SPATA7: variants seen among roughly 807,000 people sequenced by gnomAD.
SPATA7 encodes the protein spermatogenesis-associated protein 7.
SPATA7 carries 43 observed loss-of-function variants against 51.8 expected under a neutral mutation model. The ratio of observed to expected loss-of-function variants is 0.83; its 90% confidence interval spans 0.65 to 1.07. The LOEUF (loss-of-function observed/expected upper bound fraction) is 1.07, where lower values mean the gene tolerates loss of function less well. Among genes scored for constraint, SPATA7 ranks in the 50% least tolerant of loss-of-function variants. The pLI is 0.00. For missense variants in SPATA7, 683 were observed against 701.3 expected (o/e 0.97, Z 0.30); for synonymous variants, 230 against 252.8 (o/e 0.91, Z 0.86).
At chr14:88,389,575 G>A (rs930041788) in intron 1 of SPATA7, among the ~76,000 whole-genome samples, 2 of 152,156 alleles carry the variant, frequency 1.3e-5, no homozygotes, top group East Asian at 3.8e-4. Context: ...ATGCCTTGGT[G>A]TACGTCTGAT....
intron 5 of SPATA7, among the ~76,000 whole-genome samples, chr14:88,417,941 A>T (rs941770082): frequency 2.0e-5 from 3 of 152,176 alleles, no homozygotes; most frequent in Non-Finnish European, 4.4e-5. Context: ...CTAGGCCTAA[A>T]GTATTTTTTA....
intron 1 of SPATA7, among the ~76,000 whole-genome samples, chr14:88,390,312 C>T (rs1406709046): frequency 6.6e-6 from 1 of 150,714 alleles, no homozygotes; most frequent in Non-Finnish European, 1.5e-5. Flanking sequence ...GAGCTTCAAA[C>T]ATGGTTGGCC....
chr14:88,454,929 G>C (rs1277549139), intron 3 of SPATA7: 1 of 363,784 alleles, frequency 2.7e-6, no homozygotes, highest in Non-Finnish European at 5.4e-6. Context: ...TACTAAAGCA[G>C]TGGTTCTCAA....
chr14:88,433,840 A>G (rs2077003620), intron 10 of SPATA7, among the ~76,000 whole-genome samples: 1 of 152,210 alleles, frequency 6.6e-6, no homozygotes, highest in East Asian at 1.9e-4. Context: ...GACATTTTTA[A>G]TAAATTATTT....
At chr14:88,441,403 A>G (rs1045501231), downstream of SPATA7, among the ~76,000 whole-genome samples, 1 of 152,158 alleles carries the variant, frequency 6.6e-6, no homozygotes, top group Non-Finnish European at 1.5e-5. Flanking sequence ...ATCTACCTTT[A>G]GTTCTTTAAG....
intron 3 of SPATA7, among the ~76,000 whole-genome samples, chr14:88,395,320 G>GT (rs2075851894): frequency 6.6e-6 from 1 of 151,688 alleles, no homozygotes; most frequent in Non-Finnish European, 1.5e-5. Context: ...AATAGCTAAA[G>GT]TTTTTAAATT....
chr14:88,451,526 CTTTT>C (rs58581785), intron 3 of SPATA7, among the ~76,000 whole-genome samples: 1 of 141,232 alleles, frequency 7.1e-6, no homozygotes, highest in African/African-American at 2.6e-5. Context: ...TATCCTATAT[CTTTT>C]TTTTTTTTTT....
At chr14:88,419,112 T>C (rs1301406334) in intron 5 of SPATA7, among the ~76,000 whole-genome samples, 1 of 152,230 alleles carries the variant, frequency 6.6e-6, no homozygotes, top group Non-Finnish European at 1.5e-5. Context: ...TTGATTATTT[T>C]TGTCTGGTTA....
downstream of SPATA7, among the ~76,000 whole-genome samples, chr14:88,460,133 C>A (rs939169406): frequency 3.9e-5 from 6 of 152,130 alleles, no homozygotes; most frequent in African/African-American, 1.4e-4. Context: ...TCTCTGGCTG[C>A]CCTTAACATT....
At chr14:88,424,721 A>G (rs1218338746) in intron 5 of SPATA7, among the ~76,000 whole-genome samples, 4 of 152,186 alleles carry the variant, frequency 2.6e-5, no homozygotes, top group Non-Finnish European at 5.9e-5. Flanking sequence ...ACTTATAAAA[A>G]CTAACATCTT....
intron 5 of SPATA7, among the ~76,000 whole-genome samples, chr14:88,419,908 C>G (rs866707005): frequency 2.0e-5 from 3 of 152,132 alleles, no homozygotes; most frequent in Non-Finnish European, 4.4e-5. Flanking sequence ...AACACCCCCA[C>G]AGTGACCCAC....
downstream of SPATA7, among the ~76,000 whole-genome samples, chr14:88,455,514 C>T (rs1231395977): frequency 1.3e-5 from 2 of 152,126 alleles, no homozygotes; most frequent in African/African-American, 4.8e-5. Flanking sequence ...CAAAAATAGA[C>T]CATATATTGA....
At position 88,469,369 on chromosome 14, in the gene SPATA7, T is replaced by A. The variant is rs1274447580; in HGVS notation, c.255-478T>A. On this transcript the variant is annotated intron_variant, in intron 4 of 4. Coordinates refer to the SPATA7 transcript ENST00000556406. The surrounding 1 kb of genome is among the most constrained non-coding windows in gnomAD (Gnocchi z 4.3). ...TTAACCCTCCCCAAAACACTTGTAT[T>A]CTTTATGTTAAAACAAGTCCGAAGC... 4 of 880,724 alleles carry A rather than the reference T, an allele frequency of 4.5e-6. No homozygotes were observed. The South Asian group carries it at 5.2e-5, about 11-fold the overall frequency. The allele number at this position is 880,724 out of a possible 1,614,324, so 54.6% of individuals were successfully genotyped here. A position where few individuals can be genotyped will look rare whatever the true frequency, so the allele number is the denominator to read the frequency against.
At chr14:88,441,101 C>A (rs1238185908), downstream of SPATA7, among the ~76,000 whole-genome samples, 5 of 152,124 alleles carry the variant, frequency 3.3e-5, no homozygotes, top group Non-Finnish European at 7.4e-5. Flanking sequence ...TCCTGAGTTA[C>A]TTCACTTAGA....
At chr14:88,407,807 G>A (rs910905406) in intron 4 of SPATA7, among the ~76,000 whole-genome samples, 5 of 152,160 alleles carry the variant, frequency 3.3e-5, no homozygotes, top group Admixed American at 2.6e-4. Context: ...AAGGGGTCCA[G>A]TTTCAGTTTT....
downstream of SPATA7, among the ~76,000 whole-genome samples, chr14:88,456,020 C>G (rs543798258): frequency 6.6e-6 from 1 of 151,992 alleles, no homozygotes; most frequent in South Asian, 2.1e-4. Context: ...ATGATGGTTT[C>G]CAGCTTCATC....
chr14:88,410,469 A>G (rs1413790570), intron 4 of SPATA7, among the ~76,000 whole-genome samples: 1 of 151,684 alleles, frequency 6.6e-6, no homozygotes. Flanking sequence ...GGAGGAGAAG[A>G]GGCGTTCTGG....
intron 4 of SPATA7, among the ~76,000 whole-genome samples, chr14:88,408,666 G>A (rs1371413526): frequency 6.6e-6 from 1 of 151,824 alleles, no homozygotes; most frequent in East Asian, 1.9e-4. Context: ...TGATGAGAGA[G>A]GGCATCCTTG....
chr14:88,469,094 A>C lies in SPATA7; in HGVS notation c.255-753A>C, dbSNP rs2077412661. On this transcript the variant is annotated intron_variant, in intron 4 of 4. Transcript: ENST00000556406. The surrounding 1 kb of genome is among the most constrained non-coding windows in gnomAD (Gnocchi z 4.3). ...AAGATATGCTGTGGAAAATCAATGA[A>C]ATAGAAAAGTACTCAAGGATCAAGG... The C allele has an allele frequency of 3.1e-6, 5 of 1,601,204 alleles. No homozygotes were observed. The highest frequency in any genetic ancestry group is 4.3e-6 in the Non-Finnish European group (5 of 1,170,500).
Sources: allele counts gnomAD v4.1 joint callset (sites outside exome capture counted in the v4.1 genomes callset), GRCh38; gene constraint gnomAD v4.1.1; non-coding constraint Gnocchi (gnomAD v3.1); transcripts MANE v1.5; gene names NCBI Gene and HGNC (gene_info 2026-07-23, HGNC 2026-07-21).